TBC1D22A: variants seen among roughly 807,000 people sequenced by gnomAD.
TBC1D22A encodes TBC1 domain family member 22A.
In TBC1D22A, 38 loss-of-function variants were observed where a neutral mutation model predicts 60.2. That is an observed-to-expected ratio of 0.63 (90% CI 0.49 to 0.83). The LOEUF is 0.83. Ranked by LOEUF, TBC1D22A falls within the 40% of genes least tolerant of loss-of-function variation. The probability of loss-of-function intolerance (pLI) is 0.00; values close to 1 mark genes in which losing one functional copy is unlikely to be tolerated. For synonymous variants in TBC1D22A, 302 were observed against 281.7 expected (o/e 1.07, Z -0.72); for missense variants, 628 against 701.0 (o/e 0.90, Z 1.18).
At chr22:46,870,561 A>C (rs2067251178) in intron 4 of TBC1D22A, among the ~76,000 whole-genome samples, 1 of 152,260 alleles carries the variant, frequency 6.6e-6, no homozygotes, top group Admixed American at 6.5e-5. Flanking sequence ...ATATAGAGAC[A>C]GAAAGCTGAA....
chr22:46,920,057 T>TTGTGTGTA (rs1555949342), intron 8 of TBC1D22A, among the ~76,000 whole-genome samples: 4 of 59,158 alleles, frequency 6.8e-5, no homozygotes, highest in East Asian at 1.4e-3. Flanking sequence ...ATGTGTTTGT[T>TTGTGTGTA]TGTATGTATG....
chr22:46,927,669 T>A (rs2071125522), intron 8 of TBC1D22A, among the ~76,000 whole-genome samples: 1 of 152,200 alleles, frequency 6.6e-6, no homozygotes, highest in Non-Finnish European at 1.5e-5. Flanking sequence ...GATGACAGGA[T>A]CTTGTATGTA....
chr22:47,100,805 A>G (rs1273508511), intron 11 of TBC1D22A, among the ~76,000 whole-genome samples: 1 of 152,146 alleles, frequency 6.6e-6, no homozygotes, highest in Non-Finnish European at 1.5e-5. Context: ...ACGGACTCAT[A>G]CAAGGGGTGA....
At chr22:47,030,182 A>G (rs191564445) in intron 10 of TBC1D22A, among the ~76,000 whole-genome samples, 37 of 152,326 alleles carry the variant, frequency 2.4e-4, no homozygotes, top group Non-Finnish European at 3.5e-4. Flanking sequence ...ATCAAAGCCT[A>G]TTCATGGCTG....
chr22:46,861,106 C>T (rs2087856942), intron 4 of TBC1D22A, among the ~76,000 whole-genome samples: 2 of 152,084 alleles, frequency 1.3e-5, no homozygotes, highest in Non-Finnish European at 2.9e-5. Context: ...TATGTGTGCA[C>T]CACTATGCCT....
chr22:47,162,675 G>GCACTTCCTCGTGGTCTT (rs1569479268), intron 12 of TBC1D22A, among the ~76,000 whole-genome samples: 15 of 49,558 alleles, frequency 3.0e-4, no homozygotes, highest in African/African-American at 9.5e-4. Context: ...CCCGGTGCAG[G>GCACTTCCTCGTGGTCTT]GAGAGTCGTG....
At chr22:47,082,547 C>T (rs1158510173) in intron 11 of TBC1D22A, among the ~76,000 whole-genome samples, 1 of 152,184 alleles carries the variant, frequency 6.6e-6, no homozygotes, top group Non-Finnish European at 1.5e-5. Flanking sequence ...TACAAATAGC[C>T]CACTTTAAAA....
chr22:47,056,525 G>A (rs1174396886), intron 11 of TBC1D22A, among the ~76,000 whole-genome samples: 1 of 152,074 alleles, frequency 6.6e-6, no homozygotes, highest in Non-Finnish European at 1.5e-5. Flanking sequence ...CGTGCCATCC[G>A]TCACCAACTC....
At chr22:46,903,543 G>A (rs1379437220) in intron 7 of TBC1D22A, among the ~76,000 whole-genome samples, 63 of 152,310 alleles carry the variant, frequency 4.1e-4, no homozygotes, top group South Asian at 4.1e-4. Flanking sequence ...TGCTCTGAGC[G>A]TGAGTCTAGA....
intron 10 of TBC1D22A, among the ~76,000 whole-genome samples, chr22:47,034,961 C>T (rs1295586745): frequency 6.6e-6 from 1 of 152,158 alleles, no homozygotes; most frequent in Non-Finnish European, 1.5e-5. Flanking sequence ...AGTCCTGAGG[C>T]ACCAGCGTTC....
intron 12 of TBC1D22A, among the ~76,000 whole-genome samples, chr22:47,168,840 G>C (rs1399316255): frequency 6.6e-6 from 1 of 152,200 alleles, no homozygotes; most frequent in African/African-American, 2.4e-5. Context: ...AACCCTTTTG[G>C]TAAGAAGTAG....
At chr22:47,159,641 A>G (rs2067889989) in intron 12 of TBC1D22A, among the ~76,000 whole-genome samples, 1 of 151,674 alleles carries the variant, frequency 6.6e-6, no homozygotes, top group Non-Finnish European at 1.5e-5. Context: ...CACATGCACC[A>G]CATACCACGT....
At chr22:46,963,058 C>CAA (rs770317078) in intron 8 of TBC1D22A, among the ~76,000 whole-genome samples, 271 of 136,636 alleles carry the variant, frequency 2.0e-3, no homozygotes, top group African/African-American at 6.7e-3. Context: ...ACTAAAAATA[C>CAA]AAAAAAAAAA....
At chr22:46,886,851 A>G (rs1602317817) in intron 5 of TBC1D22A, among the ~76,000 whole-genome samples, 1 of 152,228 alleles carries the variant, frequency 6.6e-6, no homozygotes, top group African/African-American at 2.4e-5. Flanking sequence ...GCAGCCACAC[A>G]CAGTACATAA....
intron 12 of TBC1D22A, among the ~76,000 whole-genome samples, chr22:47,142,771 A>C (rs1312833977): frequency 4.2e-4 from 12 of 28,858 alleles, no homozygotes; most frequent in Admixed American, 2.1e-3. Context: ...TATACCACCC[A>C]CCCCCCATTC....
chr22:46,923,510 C>G (rs1359412704), intron 8 of TBC1D22A, among the ~76,000 whole-genome samples: 2 of 152,208 alleles, frequency 1.3e-5, no homozygotes, highest in Non-Finnish European at 2.9e-5. Flanking sequence ...TTGCTAGGGT[C>G]GCAGTGTCTA....
chr22:46,890,470 TAAAGTATTC>T (rs1337892346), intron 5 of TBC1D22A, among the ~76,000 whole-genome samples: 1 of 152,192 alleles, frequency 6.6e-6, no homozygotes, highest in East Asian at 1.9e-4. Context: ...AGAGATTATT[TAAAGTATTC>T]AAGCAGATGT....
At chr22:47,149,163 C>T (rs534626098) in intron 12 of TBC1D22A, among the ~76,000 whole-genome samples, 1 of 152,242 alleles carries the variant, frequency 6.6e-6, no homozygotes, top group Admixed American at 6.5e-5. Flanking sequence ...GCTCGGGGGC[C>T]CTTCCAGAGC....
intron 5 of TBC1D22A, among the ~76,000 whole-genome samples, chr22:46,884,172 G>C (rs2067994402): frequency 6.6e-6 from 1 of 152,126 alleles, no homozygotes; most frequent in Non-Finnish European, 1.5e-5. Flanking sequence ...GGAATGTGAG[G>C]AGTGCTGTAG....
Sources: allele counts gnomAD v4.1 joint callset (sites outside exome capture counted in the v4.1 genomes callset), GRCh38; gene constraint gnomAD v4.1.1; transcripts MANE v1.5; gene names NCBI Gene and HGNC (gene_info 2026-07-23, HGNC 2026-07-21).